The following KIAA0513 variants were observed in gnomAD, a reference collection of about 807,000 sequenced individuals.
KIAA0513 encodes the protein uncharacterized protein KIAA0513.
Under a neutral mutation model 56.5 loss-of-function variants are expected in KIAA0513, and 39 were observed. The observed-to-expected ratio is 0.69, with a 90% CI of 0.53 to 0.90. The LOEUF (loss-of-function observed/expected upper bound fraction) is 0.90. KIAA0513 is among the 40% of genes least tolerant of loss of function. KIAA0513 has a pLI of 0.00. For missense variants in KIAA0513, 591 were observed against 535.2 expected (o/e 1.10, Z -1.03); for synonymous variants, 268 against 215.6 (o/e 1.24, Z -2.13).
chr16:85,086,629 C>T lies in KIAA0513; in HGVS notation c.1011-15C>T. On this transcript the variant is annotated splice_polypyrimidine_tract_variant and intron_variant, in intron 10 of 12. Transcript: ENST00000683363. ...ACCATCTGAGCCCCGCTTCTGTCACCTCCTGTGCTTGCAGGGAGAAGTGGT... is the reference window on the plus strand; with the variant it reads ...ACCATCTGAGCCCCGCTTCTGTCACTTCCTGTGCTTGCAGGGAGAAGTGGT... 1 of 1,612,678 alleles carries T rather than the reference C, an allele frequency of 6.2e-7. No homozygotes were observed. Among genetic ancestry groups the T allele is most frequent in the East Asian group, 2.2e-5 (1 of 44,802 alleles).
At chr16:85,073,582 C>A (rs1156404875) in intron 4 of KIAA0513, among the ~76,000 whole-genome samples, 5 of 152,214 alleles carry the variant, frequency 3.3e-5, no homozygotes, top group Non-Finnish European at 7.3e-5. Flanking sequence ...GAGGCATAGA[C>A]CCTCTTCTCA....
chr16:85,033,956 T>C (rs2073001357), intron 1 of KIAA0513, among the ~76,000 whole-genome samples: 1 of 152,158 alleles, frequency 6.6e-6, no homozygotes, highest in Non-Finnish European at 1.5e-5. Flanking sequence ...CCAGTGTCCT[T>C]TTAATGTCCC....
chr16:85,053,721 G>C (rs545974507), intron 1 of KIAA0513, among the ~76,000 whole-genome samples: 1 of 152,152 alleles, frequency 6.6e-6, no homozygotes, highest in South Asian at 2.1e-4. Flanking sequence ...GGCCAGGCGC[G>C]GTGGCTCACG....
intron 1 of KIAA0513, among the ~76,000 whole-genome samples, chr16:85,028,436 A>G (rs544831268): frequency 1.3e-5 from 2 of 152,250 alleles, no homozygotes; most frequent in South Asian, 4.1e-4. Context: ...ACCCCTGTCC[A>G]TTCTGCGTCT....
At chr16:85,086,227 T>G (rs1300309897) in intron 10 of KIAA0513, among the ~76,000 whole-genome samples, 1 of 152,224 alleles carries the variant, frequency 6.6e-6, no homozygotes, top group African/African-American at 2.4e-5. Flanking sequence ...CAAGGCCCGC[T>G]GTCCTGGGAC....
chr16:85,058,162 C>T (rs1385798267), intron 1 of KIAA0513, among the ~76,000 whole-genome samples: 1 of 152,212 alleles, frequency 6.6e-6, no homozygotes, highest in Non-Finnish European at 1.5e-5. Context: ...CATGAATGGT[C>T]TGTGGTCTGA....
At chr16:85,084,480 A>T (rs1222690244) in intron 10 of KIAA0513, among the ~76,000 whole-genome samples, 2 of 132,782 alleles carry the variant, frequency 1.5e-5, no homozygotes, top group Non-Finnish European at 3.1e-5. Context: ...CCCAGGCTGG[A>T]GTGCAATGGT....
In KIAA0513 at chr16:85,092,466, A is replaced by C. The variant is rs1324389334; in HGVS notation, c.*4141A>C. On this transcript the variant is annotated 3_prime_UTR_variant, in exon 13 of 13. Transcript: ENST00000683363. ...CAGTGGCCCAGCCCCAGCCTCAGGG[A>C]CGGGGAGGGAGAGCCCCCTCTGGGC... The C allele has an allele frequency of 6.6e-6, 1 of 152,086 alleles. No homozygotes were observed. The highest frequency in any genetic ancestry group is 2.4e-5 in the African/African-American group (1 of 41,422). 9.4% of individuals were successfully genotyped at this position (152,086 alleles called of 1,614,324 possible).
intron 1 of KIAA0513, among the ~76,000 whole-genome samples, chr16:85,058,666 A>C (rs967527839): frequency 1.3e-4 from 19 of 151,812 alleles, no homozygotes; most frequent in Admixed American, 2.6e-4. Flanking sequence ...AAAAAAAAAA[A>C]AACACACAAG....
At chr16:85,086,174 T>A (rs936008333) in intron 10 of KIAA0513, among the ~76,000 whole-genome samples, 1 of 152,162 alleles carries the variant, frequency 6.6e-6, no homozygotes, top group Admixed American at 6.5e-5. Flanking sequence ...ATCAGGCTGG[T>A]CAGGAGACAC....
intron 1 of KIAA0513, among the ~76,000 whole-genome samples, chr16:85,063,871 A>AGT (rs1156569435): frequency 6.6e-6 from 1 of 152,156 alleles, no homozygotes; most frequent in Non-Finnish European, 1.5e-5. Context: ...AGGAGCACTC[A>AGT]GTAAACCTTG....
At position 85,031,323 on chromosome 16, in the gene KIAA0513, A is replaced by C. The variant is rs148042682; in HGVS notation, c.-173+3465A>C. 9.7e-3 allele frequency among the ~76,000 whole-genome samples: 1,479 copies of C among 152,264 alleles called. 24 individuals carry two copies. Among genetic ancestry groups the C allele is most frequent in the African/African-American group, 0.033 (1,381 of 41,538 alleles). ...TGGCAAAACCCCGTCTTTACCAAAA[A>C]ATAAACAAAAATTAGCCAGGTGTGG... On this transcript the variant is annotated intron_variant, in intron 1 of 12. Coordinates refer to ENST00000683363, the MANE Select transcript of KIAA0513 (RefSeq NM_001388359.1).
intron 1 of KIAA0513, among the ~76,000 whole-genome samples, chr16:85,063,037 G>C (rs998370678): frequency 6.6e-6 from 1 of 152,174 alleles, no homozygotes; most frequent in Non-Finnish European, 1.5e-5. Flanking sequence ...GGGGACAGGG[G>C]TGGTGCACGC....
Position 85,043,121 on chromosome 16 carries a change from TA to T in KIAA0513, c.-173+15268del, listed in dbSNP as rs559939875. 9.5e-4 allele frequency among the ~76,000 whole-genome samples: 144 copies of T among 152,342 alleles called. 1 individual carries two copies. The highest frequency in any genetic ancestry group is 3.3e-3 in the African/African-American group (138 of 41,564). The stretch of plus-strand genomic sequence containing the variant: ...AATACAATTTTAGACTAGCAGTGTA[TA>T]AAAATACTTTTTAAATAGTAATTTT... On this transcript the variant is annotated intron_variant, in intron 1 of 12. Transcript: ENST00000683363.
intron 1 of KIAA0513, 43 bp from the exon 2 acceptor site, chr16:85,066,857 G>A: frequency 2.1e-6 from 1 of 473,848 alleles, no homozygotes; most frequent in Non-Finnish European, 3.7e-6. Context: ...CGGGATTCTG[G>A]TGAGGAGTGG....
chr16:85,081,458 G>C lies in KIAA0513; in HGVS notation c.980+66G>C. ...GACCAGGGAGTGGCTTTATTTCCCG[G>C]TTTCGGAAGAGGAGAGCAGAAGAGC... is the stretch of plus-strand genomic sequence containing the variant. On this transcript the variant is annotated intron_variant, in intron 9 of 12. Coordinates refer to ENST00000683363, the MANE Select transcript of KIAA0513 (RefSeq NM_001388359.1). The surrounding 1 kb of genome is among the most constrained non-coding windows in gnomAD (Gnocchi z 4.4). 4 of 1,393,938 alleles carry C rather than the reference G, an allele frequency of 2.9e-6. No homozygotes were observed. Among genetic ancestry groups the C allele is most frequent in the Non-Finnish European group, 4.0e-6 (4 of 1,003,758 alleles). The allele number at this position is 1,393,938 out of a possible 1,614,324, so 86.3% of individuals were successfully genotyped here.
chr16:85,079,739 A>T (rs2073714929), intron 8 of KIAA0513: 3 of 152,216 alleles, frequency 2.0e-5, no homozygotes, highest in Admixed American at 2.0e-4. Flanking sequence ...CTGTGAATAC[A>T]CTAAAAATCA....
chr16:85,083,086 A>G (rs541396658), intron 10 of KIAA0513, among the ~76,000 whole-genome samples: 1 of 152,154 alleles, frequency 6.6e-6, no homozygotes, highest in African/African-American at 2.4e-5. Flanking sequence ...AACACCACCC[A>G]CTCTTGGGTG....
chr16:85,078,640 C>T (rs1163270995), intron 7 of KIAA0513, among the ~76,000 whole-genome samples, 185 bp downstream of exon 7: 20 of 152,246 alleles, frequency 1.3e-4, no homozygotes, highest in Admixed American at 1.3e-3. Context: ...TGTGGAAGAG[C>T]CAGTTTTCTC....
Sources: allele counts gnomAD v4.1 joint callset (sites outside exome capture counted in the v4.1 genomes callset), GRCh38; gene constraint gnomAD v4.1.1; non-coding constraint Gnocchi (gnomAD v3.1); transcripts MANE v1.5; gene names NCBI Gene and HGNC (gene_info 2026-07-23, HGNC 2026-07-21).